Variants in CSGALNACT1 observed in about 807,000 individuals in gnomAD.
The protein encoded by CSGALNACT1 is chondroitin sulfate N-acetylgalactosaminyltransferase 1.
In CSGALNACT1, 52 loss-of-function variants were observed where a neutral mutation model predicts 51.0. The ratio of observed to expected loss-of-function variants is 1.02; its 90% CI spans 0.82 to 1.29. The LOEUF is 1.29. CSGALNACT1 is among the 50% of genes most tolerant of loss of function. CSGALNACT1 has a pLI of 0.00. For missense variants in CSGALNACT1, 935 were observed against 679.2 expected, an observed-to-expected ratio of 1.38 and a Z score of -4.19; for synonymous variants, 341 against 254.4, an observed-to-expected ratio of 1.34 and a Z score of -3.24.
intron 1 of CSGALNACT1, among the ~76,000 whole-genome samples, chr8:19,627,554 G>A (rs954762887): frequency 4.6e-5 from 7 of 152,098 alleles, no homozygotes; most frequent in Non-Finnish European, 7.3e-5. Flanking sequence ...CAGGCATGGT[G>A]ATTCACACCT....
chr8:19,570,239 A>C (rs1486663320), intron 3 of CSGALNACT1, among the ~76,000 whole-genome samples: 2 of 152,212 alleles, frequency 1.3e-5, no homozygotes, highest in African/African-American at 2.4e-5. Context: ...GGTAAGAAAC[A>C]AAAAGTGTTG....
At chr8:19,654,742 G>T (rs2058109531) in intron 1 of CSGALNACT1, among the ~76,000 whole-genome samples, 1 of 151,880 alleles carries the variant, frequency 6.6e-6, no homozygotes, top group South Asian at 2.1e-4. Context: ...ACAGGGTTTT[G>T]CTATGTTGCC....
chr8:19,546,396 G>C (rs1216779083), intron 3 of CSGALNACT1, among the ~76,000 whole-genome samples: 3 of 152,024 alleles, frequency 2.0e-5, no homozygotes, highest in Non-Finnish European at 4.4e-5. Context: ...TCATCAAGTG[G>C]TAATTAACCT....
At chr8:19,459,381 TC>T (rs1441917964) in intron 4 of CSGALNACT1, among the ~76,000 whole-genome samples, 1 of 69,158 alleles carries the variant, frequency 1.4e-5, no homozygotes, top group Non-Finnish European at 2.5e-5. Context: ...AAACTTTATC[TC>T]AAAAAAAAAA....
chr8:19,686,733 G>C (rs747350702), upstream of CSGALNACT1, among the ~76,000 whole-genome samples: 1 of 152,212 alleles, frequency 6.6e-6, no homozygotes, highest in Non-Finnish European at 1.5e-5. Context: ...GACAGGGAGG[G>C]AACATTCAGA....
chr8:19,655,962 T>A lies in CSGALNACT1; in HGVS notation c.-544+26511A>T, dbSNP rs535435256. 7.2e-5 allele frequency among the ~76,000 whole-genome samples: 11 copies of A among 152,266 alleles called. No individual in the cohort carries two copies. The South Asian group carries it at 2.3e-3, about 32-fold the overall frequency. ...CCATTTGGGGTTAGAATTGGGGGAT[T>A]CACGGGTGTCTTCTCAGAGGATAGA... On this transcript the variant is annotated intron_variant, in intron 1 of 9. Coordinates refer to the CSGALNACT1 transcript ENST00000332246.
intron 5 of CSGALNACT1, among the ~76,000 whole-genome samples, chr8:19,458,033 A>G (rs747783853): frequency 2.6e-5 from 4 of 152,224 alleles, no homozygotes; most frequent in Non-Finnish European, 4.4e-5. Context: ...CCAACTGTCA[A>G]CGTGGGCTCT....
intron 3 of CSGALNACT1, among the ~76,000 whole-genome samples, chr8:19,588,251 C>G: frequency 6.6e-6 from 1 of 152,120 alleles, no homozygotes; most frequent in South Asian, 2.1e-4. Flanking sequence ...CTCACACAAA[C>G]ACATATATAT....
At chr8:19,726,169 T>C (rs1470978177) in intron 1 of CSGALNACT1, among the ~76,000 whole-genome samples, 2 of 152,208 alleles carry the variant, frequency 1.3e-5, no homozygotes, top group Non-Finnish European at 1.5e-5. Context: ...ATAAGCTCCA[T>C]GTATTTGGAT....
chr8:19,474,977 C>G (rs73585538), intron 4 of CSGALNACT1, among the ~76,000 whole-genome samples: 2,715 of 151,680 alleles, frequency 0.018, 23 homozygotes, highest in Middle Eastern at 0.052. Flanking sequence ...GGAAAGGGCT[C>G]AAATTTGCAG....
chr8:19,625,511 GC>G (rs1287361211), intron 1 of CSGALNACT1, among the ~76,000 whole-genome samples: 14 of 152,092 alleles, frequency 9.2e-5, no homozygotes, highest in African/African-American at 3.4e-4. Flanking sequence ...TCAAAAGGTG[GC>G]CCACAGCTCA....
At chr8:19,702,822 T>C (rs1211806955) in intron 1 of CSGALNACT1, among the ~76,000 whole-genome samples, 2 of 152,126 alleles carry the variant, frequency 1.3e-5, no homozygotes, top group African/African-American at 4.8e-5. Context: ...ATGGATCTAG[T>C]GCAGAAGGAA....
At chr8:19,428,843 G>C (rs896146353) in intron 6 of CSGALNACT1, among the ~76,000 whole-genome samples, 1 of 134,906 alleles carries the variant, frequency 7.4e-6, no homozygotes, top group Non-Finnish European at 1.7e-5. Flanking sequence ...GTGTGTGTGT[G>C]TGTGTGTGTG....
intron 5 of CSGALNACT1, among the ~76,000 whole-genome samples, chr8:19,444,321 A>T (rs1207783232): frequency 6.6e-6 from 1 of 152,232 alleles, no homozygotes; most frequent in Non-Finnish European, 1.5e-5. Context: ...AGGAAAAAAA[A>T]GTTTGTGCAT....
At chr8:19,540,817 G>T (rs1032373440) in intron 3 of CSGALNACT1, among the ~76,000 whole-genome samples, 2 of 152,072 alleles carry the variant, frequency 1.3e-5, no homozygotes, top group Non-Finnish European at 2.9e-5. Flanking sequence ...TTCTCCCTTT[G>T]CTGGAATAAT....
At chr8:19,534,827 A>C (rs2083439953) in intron 3 of CSGALNACT1, among the ~76,000 whole-genome samples, 1 of 152,228 alleles carries the variant, frequency 6.6e-6, no homozygotes, top group African/African-American at 2.4e-5. Context: ...TGCATTTGGC[A>C]ATCTTTTTTC....
At chr8:19,406,146 T>C (rs1274586233) in intron 9 of CSGALNACT1, 77 bp from the exon 9 acceptor site, 11 of 1,543,880 alleles carry the variant, frequency 7.1e-6, no homozygotes, top group Non-Finnish European at 8.9e-6. Flanking sequence ...AAGCACAAAC[T>C]TTTCATTAAG....
intron 1 of CSGALNACT1, among the ~76,000 whole-genome samples, chr8:19,724,671 C>G (rs1222598712): frequency 2.0e-5 from 3 of 152,232 alleles, no homozygotes; most frequent in Non-Finnish European, 4.4e-5. Flanking sequence ...GTTGCACCCT[C>G]AGCTAATACA....
In CSGALNACT1 at chr8:19,666,468, G is replaced by C. The variant is rs534425696; in HGVS notation, c.-544+16005C>G. Among the ~76,000 whole-genome samples the C allele has an allele frequency of 2.6e-5, 4 of 152,044 alleles. No individual in the cohort carries two copies. In the South Asian group the frequency reaches 8.3e-4, roughly 32 times the overall value. ...CCAGCACTTTTGGAGGCTGAGGCGGGTGAATCACTTCAGGTCAGGAGTTCA... is the reference window on the plus strand; with the variant it reads ...CCAGCACTTTTGGAGGCTGAGGCGGCTGAATCACTTCAGGTCAGGAGTTCA... On this transcript the variant is annotated intron_variant, in intron 1 of 9. Transcript: ENST00000332246.
Sources: gnomAD v4.1 joint callset for allele counts (sites outside exome capture counted in the v4.1 genomes callset) on GRCh38, gnomAD v4.1.1 for gene constraint, MANE v1.5 for transcripts, NCBI Gene and HGNC (gene_info 2026-07-23, HGNC 2026-07-21) for gene names.